The following EEIG2 variants were observed in gnomAD, a reference collection of about 807,000 sequenced individuals.
EEIG2 encodes family with sequence similarity 102 member B.
chr1:108,620,869 G>A, the EEIG2 span, among the ~76,000 whole-genome samples: 12 of 152,276 alleles, frequency 7.9e-5, no homozygotes, highest in South Asian at 6.2e-4. Flanking sequence ...CACTGATTAC[G>A]TGGGAGACAG....
At chr1:108,560,748 T>A in the EEIG2 span, among the ~76,000 whole-genome samples, 4 of 152,076 alleles carry the variant, frequency 2.6e-5, no homozygotes, top group East Asian at 7.8e-4. Context: ...GTTCCTGCGC[T>A]CCTGACTCCA....
the EEIG2 span, among the ~76,000 whole-genome samples, chr1:108,584,331 T>C: frequency 6.6e-6 from 1 of 151,552 alleles, no homozygotes; most frequent in Admixed American, 6.6e-5. Context: ...TCTTAAAAAA[T>C]ATTTTTTTTT....
chr1:108,570,669 G>A, the EEIG2 span, among the ~76,000 whole-genome samples: 1 of 152,198 alleles, frequency 6.6e-6, no homozygotes, highest in African/African-American at 2.4e-5. Context: ...AGCAGTGCTT[G>A]TATGTCAGGG....
chr1:108,624,939 A>G, the EEIG2 span: 5 of 554,224 alleles, frequency 9.0e-6, no homozygotes, highest in African/African-American at 9.4e-5. Flanking sequence ...ATTAAAAACT[A>G]GATGTTACAA....
At chr1:108,613,437 T>A in the EEIG2 span, among the ~76,000 whole-genome samples, 1 of 152,176 alleles carries the variant, frequency 6.6e-6, no homozygotes, top group Non-Finnish European at 1.5e-5. Context: ...TTCCTCGTAT[T>A]TCTTATATGA....
the EEIG2 span, among the ~76,000 whole-genome samples, chr1:108,600,203 A>T: frequency 1.3e-5 from 2 of 152,246 alleles, no homozygotes; most frequent in East Asian, 3.9e-4. Flanking sequence ...AACTATGAAT[A>T]TAATCCCTAC....
the EEIG2 span, among the ~76,000 whole-genome samples, chr1:108,568,737 A>T: frequency 1.3e-5 from 2 of 151,986 alleles, no homozygotes; most frequent in African/African-American, 2.4e-5. Context: ...TTTTTGTCTT[A>T]TTGCTCTCAG....
the EEIG2 span, among the ~76,000 whole-genome samples, chr1:108,593,414 T>C: frequency 0.15 from 23,220 of 152,258 alleles, 2,834 homozygotes; most frequent in African/African-American, 0.34. Flanking sequence ...CCAAAAGTTA[T>C]ACCCAATAAC....
the EEIG2 span, among the ~76,000 whole-genome samples, chr1:108,623,685 T>G: frequency 5.3e-5 from 8 of 152,300 alleles, no homozygotes; most frequent in African/African-American, 1.9e-4. Flanking sequence ...AAATATTTTT[T>G]TTTTGAGACG....
the EEIG2 span, among the ~76,000 whole-genome samples, chr1:108,568,595 A>G: frequency 2.0e-5 from 3 of 152,202 alleles, no homozygotes; most frequent in Non-Finnish European, 4.4e-5. Context: ...TTTAGAATGG[A>G]TGTCAGGTGC....
chr1:108,615,567 A>C, the EEIG2 span, among the ~76,000 whole-genome samples: 1 of 151,984 alleles, frequency 6.6e-6, no homozygotes, highest in South Asian at 2.1e-4. Context: ...TGAGGCCAGG[A>C]GTTCAAGATC....
At chr1:108,625,806 G>A in the EEIG2 span, 2 of 133,524 alleles carry the variant, frequency 1.5e-5, no homozygotes, top group Non-Finnish European at 1.7e-5. Context: ...GTGTGTGTGT[G>A]TGTGTGTGTG....
chr1:108,619,076 C>T, the EEIG2 span, among the ~76,000 whole-genome samples: 4 of 152,116 alleles, frequency 2.6e-5, no homozygotes, highest in African/African-American at 4.8e-5. Flanking sequence ...ATAAATTGAT[C>T]GTTCCTTCTC....
chr1:108,639,255 CTTT>C, the EEIG2 span: 13 of 138,886 alleles, frequency 9.4e-5, no homozygotes, highest in African/African-American at 3.4e-4. Flanking sequence ...TTTACAAAAA[CTTT>C]TTATTTGTAA....
At chr1:108,624,525 C>G in the EEIG2 span, 1 of 621,458 alleles carries the variant, frequency 1.6e-6, no homozygotes, top group Non-Finnish European at 2.7e-6. Context: ...GTTACTTTCA[C>G]TCTCAAAGGG....
chr1:108,589,518 T>G, the EEIG2 span, among the ~76,000 whole-genome samples: 1 of 152,126 alleles, frequency 6.6e-6, no homozygotes, highest in South Asian at 2.1e-4. Flanking sequence ...TTACCTGACC[T>G]CTCTGCCACA....
At chr1:108,570,891 T>C in the EEIG2 span, among the ~76,000 whole-genome samples, 3 of 151,980 alleles carry the variant, frequency 2.0e-5, no homozygotes, top group African/African-American at 4.8e-5. Context: ...AAGATATGTG[T>C]GGAAGGAAAG....
chr1:108,595,239 CAAAA>C, the EEIG2 span, among the ~76,000 whole-genome samples: 1 of 128,112 alleles, frequency 7.8e-6, no homozygotes, highest in Non-Finnish European at 1.6e-5. Context: ...GACCCCATCT[CAAAA>C]GAAAGGAATT....
the EEIG2 span, among the ~76,000 whole-genome samples, chr1:108,607,532 A>G: frequency 6.6e-6 from 1 of 152,156 alleles, no homozygotes; most frequent in Non-Finnish European, 1.5e-5. Flanking sequence ...GAATAAAACC[A>G]GGGTTTTGTG....
Sources: gnomAD v4.1 joint callset for allele counts (sites outside exome capture counted in the v4.1 genomes callset) on GRCh38, gnomAD v4.1.1 for gene constraint, MANE v1.5 for transcripts, NCBI Gene and HGNC (gene_info 2026-07-23, HGNC 2026-07-21) for gene names.